The following BAZ1A variants were observed in gnomAD, a reference collection of about 807,000 sequenced individuals.
The protein encoded by BAZ1A is bromodomain adjacent to zinc finger domain 1A.
A neutral mutation model predicts 185.2 loss-of-function variants in BAZ1A; 50 were observed. The observed-to-expected ratio is 0.27, with a 90% CI of 0.22 to 0.34. The LOEUF is 0.34. BAZ1A is among the 10% of genes least tolerant of loss of function. The probability of loss-of-function intolerance (pLI) is 1.00; values close to 1 mark genes in which losing one functional copy is unlikely to be tolerated. For synonymous variants in BAZ1A, 571 were observed against 615.6 expected (o/e 0.93, Z 1.07); for missense variants, 1,356 against 1,839.9 (o/e 0.74, Z 4.81).
chr14:34,798,484 G>C (rs939321251), intron 9 of BAZ1A, among the ~76,000 whole-genome samples: 1 of 152,172 alleles, frequency 6.6e-6, no homozygotes, highest in East Asian at 1.9e-4. Context: ...CCAAAGGAAG[G>C]ATAAGGCAGC....
At chr14:34,839,268 G>A (rs1321830029) in intron 3 of BAZ1A, among the ~76,000 whole-genome samples, 3 of 152,052 alleles carry the variant, frequency 2.0e-5, no homozygotes, top group Non-Finnish European at 4.4e-5. Context: ...GAACTTGGCC[G>A]GGCGCAGTGG....
In BAZ1A at chr14:34,833,385, G is replaced by A. The variant is rs755001170; in HGVS notation, c.393-7229C>T. On this transcript the variant is annotated intron_variant, in intron 3 of 26. Coordinates refer to ENST00000360310, the MANE Select transcript of BAZ1A (RefSeq NM_013448.3). ...TCTACTAAAGATACAAAAATTAGCC[G>A]GGCGTGGTGGCGCGCGCCTATAATC... Among the ~76,000 whole-genome samples the A allele has an allele frequency of 1.1e-4, 17 of 152,186 alleles. 1 individual carries two copies. Among genetic ancestry groups the A allele is most frequent in the South Asian group, 2.1e-4 (1 of 4,814 alleles).
At chr14:34,783,984 T>G (rs746410894) in intron 14 of BAZ1A, 57 bp from the exon 15 acceptor site, 173 of 1,457,126 alleles carry the variant, frequency 1.2e-4, no homozygotes, top group Non-Finnish European at 1.5e-4. Context: ...GAACTGTGTT[T>G]GAACTTTTTA....
At chr14:34,802,295 T>A (rs1229515472) in intron 7 of BAZ1A, among the ~76,000 whole-genome samples, 1 of 152,190 alleles carries the variant, frequency 6.6e-6, no homozygotes, top group African/African-American at 2.4e-5. Context: ...TGTGGCATGA[T>A]CTGGGCTCAC....
intron 2 of BAZ1A, among the ~76,000 whole-genome samples, chr14:34,868,982 T>C (rs1402131983): frequency 1.3e-5 from 2 of 150,464 alleles, no homozygotes; most frequent in African/African-American, 4.9e-5. Context: ...TATGTATATA[T>C]ATACTCGATC....
chr14:34,814,624 C>A (rs1337766264), intron 4 of BAZ1A, among the ~76,000 whole-genome samples: 1 of 151,834 alleles, frequency 6.6e-6, no homozygotes, highest in Admixed American at 6.6e-5. Flanking sequence ...ATGTGCCACC[C>A]ATGCCCGGCT....
intron 20 of BAZ1A, among the ~76,000 whole-genome samples, chr14:34,772,448 T>C (rs1315671469): frequency 6.7e-6 from 1 of 148,992 alleles, no homozygotes; most frequent in Non-Finnish European, 1.5e-5. Context: ...GGTATAACCT[T>C]CTATCAGTAC....
At chr14:34,768,655 A>G in intron 21 of BAZ1A, 1 of 379,350 alleles carries the variant, frequency 2.6e-6, no homozygotes, top group Non-Finnish European at 5.1e-6. Flanking sequence ...TTAAAAAGAC[A>G]AAACATAAAT....
chr14:34,808,024 G>T (rs2041873168), intron 5 of BAZ1A, among the ~76,000 whole-genome samples: 4 of 151,922 alleles, frequency 2.6e-5, no homozygotes, highest in Admixed American at 2.6e-4. Context: ...AGAACAGCAT[G>T]AACACAGGAG....
chr14:34,761,331 G>A (rs144791765), intron 24 of BAZ1A, among the ~76,000 whole-genome samples: 2 of 152,178 alleles, frequency 1.3e-5, no homozygotes, highest in African/African-American at 4.8e-5. Context: ...AAATATTACT[G>A]CTTCCAACTC....
chr14:34,832,737 C>A (rs1352535203), intron 3 of BAZ1A, among the ~76,000 whole-genome samples: 1 of 152,112 alleles, frequency 6.6e-6, no homozygotes, highest in Non-Finnish European at 1.5e-5. Context: ...AATGGTACAA[C>A]TGCTACAGAG....
intron 25 of BAZ1A, among the ~76,000 whole-genome samples, chr14:34,756,591 G>A (rs763486766): frequency 6.2e-5 from 9 of 145,706 alleles, no homozygotes; most frequent in Non-Finnish European, 1.2e-4. Context: ...TCAGCCTTCC[G>A]AGTAGCTGGG....
chr14:34,803,027 T>A, intron 6 of BAZ1A, 39 bp from the exon 7 acceptor site: 1 of 1,558,676 alleles, frequency 6.4e-7, no homozygotes. Flanking sequence ...TAATAACACA[T>A]TAGTAAACAA....
At chr14:34,845,089 C>T (rs1244271785) in intron 3 of BAZ1A, among the ~76,000 whole-genome samples, 3 of 152,020 alleles carry the variant, frequency 2.0e-5, no homozygotes, top group South Asian at 2.1e-4. Context: ...CTATTTGAAC[C>T]TTTGTGTTTT....
chr14:34,851,236 G>A (rs1373057233), intron 3 of BAZ1A, among the ~76,000 whole-genome samples: 1 of 150,054 alleles, frequency 6.7e-6, no homozygotes, highest in Non-Finnish European at 1.5e-5. Flanking sequence ...AGGAGGCTGA[G>A]GCACAATAAT....
At chr14:34,813,246 G>T (rs1486764227) in intron 4 of BAZ1A, among the ~76,000 whole-genome samples, 1 of 151,758 alleles carries the variant, frequency 6.6e-6, no homozygotes, top group Non-Finnish European at 1.5e-5. Context: ...ACAAAACCTA[G>T]TTGGATATGA....
At chr14:34,858,908 A>G (rs1432564417) in intron 3 of BAZ1A, among the ~76,000 whole-genome samples, 1 of 152,162 alleles carries the variant, frequency 6.6e-6, no homozygotes, top group Non-Finnish European at 1.5e-5. Flanking sequence ...CAAAGAGAAG[A>G]GTAATGCAAA....
chr14:34,783,562 C>T (rs1880195461), intron 15 of BAZ1A, among the ~76,000 whole-genome samples, 200 bp downstream of exon 15: 1 of 152,066 alleles, frequency 6.6e-6, no homozygotes, highest in Non-Finnish European at 1.5e-5. Flanking sequence ...TCTCGAACTC[C>T]TGACCTCAAG....
At position 34,874,671 on chromosome 14, in the gene BAZ1A, A is replaced by G; in HGVS notation, c.-58-9T>C. ...GCGCCGGCCCCGCTTCCCTATCAAA[A>G]TTGGAGGGAAAGGAAAGCCGGTAAG... On this transcript the variant is annotated splice_polypyrimidine_tract_variant and intron_variant, in intron 1 of 26. Transcript: ENST00000360310. The surrounding 1 kb of genome is among the most constrained non-coding windows in gnomAD (Gnocchi z 4.7). 1 of 1,353,462 alleles carries G rather than the reference A, an allele frequency of 7.4e-7. No individual in the cohort carries two copies. Among genetic ancestry groups the G allele is most frequent in the Non-Finnish European group, 1.0e-6 (1 of 978,878 alleles). The allele number at this position is 1,353,462 out of a possible 1,614,324, so 83.8% of individuals were successfully genotyped here.
Sources: gnomAD v4.1 joint callset for allele counts (sites outside exome capture counted in the v4.1 genomes callset) on GRCh38, gnomAD v4.1.1 for gene constraint, Gnocchi (gnomAD v3.1) non-coding constraint, MANE v1.5 for transcripts, NCBI Gene and HGNC (gene_info 2026-07-23, HGNC 2026-07-21) for gene names.